The following ACOT12 variants were observed in gnomAD, a reference collection of about 807,000 sequenced individuals.
The protein encoded by ACOT12 is acyl-CoA thioesterase 12.
In ACOT12, 51 loss-of-function variants were observed where a neutral mutation model predicts 67.7. That is an observed-to-expected ratio of 0.75 (90% CI 0.60 to 0.95). The LOEUF (loss-of-function observed/expected upper bound fraction) is 0.95, where lower values mean the gene tolerates loss of function less well. ACOT12 is among the 40% of genes least tolerant of loss of function. ACOT12 has a pLI of 0.00. For missense variants in ACOT12, 734 were observed against 708.1 expected, an observed-to-expected ratio of 1.04 and a Z score of -0.41; for synonymous variants, 251 against 244.6, an observed-to-expected ratio of 1.03 and a Z score of -0.24.
At chr5:81,338,100 C>A (rs572489283) in intron 11 of ACOT12, among the ~76,000 whole-genome samples, 7 of 152,172 alleles carry the variant, frequency 4.6e-5, no homozygotes, top group Admixed American at 4.6e-4. Context: ...CAAGGAAATG[C>A]AGTAGTTAGT....
At chr5:81,354,454 G>T (rs1273388578) in intron 5 of ACOT12, among the ~76,000 whole-genome samples, 1 of 152,130 alleles carries the variant, frequency 6.6e-6, no homozygotes. Context: ...GAAGAAGCCG[G>T]TGCAGCCACC....
At chr5:81,311,089 G>A in the ACOT12 span, 1 of 943,260 alleles carries the variant, frequency 1.1e-6, no homozygotes, top group Non-Finnish European at 1.7e-6. Flanking sequence ...CTATGATCCT[G>A]GTCTAGCTAC....
chr5:81,373,166 C>G (rs144245003), intron 2 of ACOT12, among the ~76,000 whole-genome samples: 1 of 152,116 alleles, frequency 6.6e-6, no homozygotes. Context: ...ATGAGGTACC[C>G]AGTTCATCTC....
chr5:81,360,372 T>C (rs1461411113), intron 4 of ACOT12, among the ~76,000 whole-genome samples: 1 of 152,208 alleles, frequency 6.6e-6, no homozygotes, highest in Non-Finnish European at 1.5e-5. Flanking sequence ...TTGACTCCAC[T>C]GAAATCTAAA....
intron 1 of ACOT12, among the ~76,000 whole-genome samples, chr5:81,393,371 C>T (rs748191610): frequency 3.3e-5 from 5 of 152,114 alleles, no homozygotes; most frequent in Non-Finnish European, 5.9e-5. Flanking sequence ...ATTTCCATTA[C>T]GGTAAATGTG....
intron 12 of ACOT12, among the ~76,000 whole-genome samples, chr5:81,334,131 C>A (rs1484478538): frequency 6.6e-6 from 1 of 152,168 alleles, no homozygotes; most frequent in Admixed American, 6.5e-5. Context: ...GGCTCCCCAT[C>A]CATCTTGCTA....
intron 3 of ACOT12, among the ~76,000 whole-genome samples, chr5:81,371,252 TG>T (rs929382403): frequency 1.3e-5 from 2 of 152,106 alleles, no homozygotes; most frequent in African/African-American, 4.8e-5. Flanking sequence ...TGGTTTTTTT[TG>T]TTGTTGTTGT....
At chr5:81,335,197 G>T (rs566983125) in intron 12 of ACOT12, among the ~76,000 whole-genome samples, 1 of 152,260 alleles carries the variant, frequency 6.6e-6, no homozygotes, top group East Asian at 1.9e-4. Context: ...TGCAATCTTG[G>T]CACGTCTCAG....
chr5:81,361,566 T>C (rs1377336698), intron 4 of ACOT12, among the ~76,000 whole-genome samples: 5 of 152,156 alleles, frequency 3.3e-5, no homozygotes, highest in African/African-American at 1.2e-4. Flanking sequence ...GACTGCTTGG[T>C]AAACTTGTGT....
chr5:81,385,902 T>A, intron 1 of ACOT12, 76 bp from the exon 2 acceptor site: 1 of 1,379,848 alleles, frequency 7.2e-7, no homozygotes. Context: ...AGGAATGAAA[T>A]GTAAGTGCAT....
At chr5:81,384,943 A>T (rs1760687022) in intron 2 of ACOT12, among the ~76,000 whole-genome samples, 1 of 152,170 alleles carries the variant, frequency 6.6e-6, no homozygotes, top group Non-Finnish European at 1.5e-5. Flanking sequence ...CTCAATTACC[A>T]ACCTAAATAT....
At chr5:81,342,001 T>A (rs1759210010) in intron 11 of ACOT12, among the ~76,000 whole-genome samples, 1 of 151,924 alleles carries the variant, frequency 6.6e-6, no homozygotes, top group Non-Finnish European at 1.5e-5. Flanking sequence ...ATTTATTTAT[T>A]TTTTTTAGAG....
intron 11 of ACOT12, among the ~76,000 whole-genome samples, chr5:81,338,981 T>C (rs940222392): frequency 2.6e-5 from 4 of 152,106 alleles, no homozygotes; most frequent in Admixed American, 6.5e-5. Context: ...CTTGGGAGGC[T>C]GAGGCACGAG....
At chr5:81,368,104 C>G (rs1484039379) in intron 3 of ACOT12, among the ~76,000 whole-genome samples, 1 of 152,044 alleles carries the variant, frequency 6.6e-6, no homozygotes, top group Non-Finnish European at 1.5e-5. Flanking sequence ...CCAGCCTGGC[C>G]AACATGGTGA....
At position 81,330,471 on chromosome 5, in the gene ACOT12, A is replaced by AT. The variant is rs759699810; in HGVS notation, c.1590dup (p.Ser531IlefsTer3). ...CAAGAGGCTGCTGTTTCTTCAATGGATTTTGACCAGCCACCAAGATTTCCA... is the reference window on the plus strand; with the variant it reads ...CAAGAGGCTGCTGTTTCTTCAATGGATTTTTGACCAGCCACCAAGATTTCCA... On this transcript the variant is annotated frameshift_variant, in exon 15 of 15. Transcript: ENST00000307624. LOFTEE classifies it high-confidence loss of function. 1.9e-6 allele frequency: 3 copies of AT among 1,614,026 alleles called. No homozygotes were observed. In the South Asian group the frequency reaches 3.3e-5, roughly 18 times the overall value.
Position 81,330,531 on chromosome 5 carries a change from T to A in ACOT12, c.1531A>T (p.Asn511Tyr), listed in dbSNP as rs768684275. ...GGAAGGATGCTAGCAGACATATGGT[T>A]AAAGTAAGATACCTGTTTCAAAAAG... ...DSNSCIVSYF[N>Y]HMSASILPYF... is the part of the protein sequence containing the mutation. The change falls in exon 15 of 15, where the codon AAC becomes TAC. Residue 511 changes from asparagine to tyrosine, a missense_variant. Asn to Tyr is a moderately radical substitution (Grantham distance 143). Transcript: ENST00000307624. The A allele has an allele frequency of 3.7e-6, 6 of 1,613,400 alleles. No individual in the cohort carries two copies. The Admixed American group carries it at 5.0e-5, about 14-fold the overall frequency.
chr5:81,380,563 G>GA (rs1400854438), intron 2 of ACOT12, among the ~76,000 whole-genome samples: 563 of 24,844 alleles, frequency 0.023, 13 homozygotes, highest in Middle Eastern at 0.036. Flanking sequence ...GACTGTCTTA[G>GA]AAAAAAAAAA....
intron 4 of ACOT12, among the ~76,000 whole-genome samples, chr5:81,360,889 C>G (rs1190372938): frequency 6.6e-6 from 1 of 151,878 alleles, no homozygotes; most frequent in African/African-American, 2.4e-5. Context: ...CTGCACCTGG[C>G]CAACACGTTG....
At chr5:81,356,384 C>T (rs1653019292) in intron 5 of ACOT12, among the ~76,000 whole-genome samples, 1 of 152,110 alleles carries the variant, frequency 6.6e-6, no homozygotes, top group South Asian at 2.1e-4. Flanking sequence ...CTGATTAGTC[C>T]CTCCAGGTCT....
Sources: gnomAD v4.1 joint callset for allele counts (sites outside exome capture counted in the v4.1 genomes callset) on GRCh38, gnomAD v4.1.1 for gene constraint, MANE v1.5 for transcripts, NCBI Gene and HGNC (gene_info 2026-07-23, HGNC 2026-07-21) for gene names.